The following BTBD9 variants were observed in gnomAD, a reference collection of about 807,000 sequenced individuals.
BTBD9 encodes BTB domain containing 9.
Under a neutral mutation model 64.3 loss-of-function variants are expected in BTBD9, and 49 were observed. The observed-to-expected ratio is 0.76, with a 90% CI of 0.61 to 0.97. The LOEUF is 0.97. BTBD9 is among the 50% of genes least tolerant of loss of function. The probability of loss-of-function intolerance (pLI) is 0.00; values close to 1 mark genes in which losing one functional copy is unlikely to be tolerated. For synonymous variants in BTBD9, 260 were observed against 274.7 expected, an observed-to-expected ratio of 0.95 and a Z score of 0.53; for missense variants, 598 against 762.1, an observed-to-expected ratio of 0.78 and a Z score of 2.53.
chr6:38,603,146 G>C (rs971566986), intron 1 of BTBD9, among the ~76,000 whole-genome samples: 2 of 152,138 alleles, frequency 1.3e-5, no homozygotes, highest in African/African-American at 4.8e-5. Context: ...AGGAAGGCAG[G>C]GGGACGAAGG....
intron 9 of BTBD9, among the ~76,000 whole-genome samples, chr6:38,255,337 T>C (rs552215239): frequency 6.6e-6 from 1 of 152,128 alleles, no homozygotes; most frequent in South Asian, 2.1e-4. Flanking sequence ...TCTGGAATAT[T>C]AGAAAGCAGT....
intron 7 of BTBD9, 95 bp from the exon 8 acceptor site, chr6:38,288,556 A>T: frequency 1.0e-6 from 1 of 954,830 alleles, no homozygotes. Flanking sequence ...TTGCTATCTC[A>T]AATCAATGAT....
intron 1 of BTBD9, among the ~76,000 whole-genome samples, chr6:38,602,038 T>C (rs997418909): frequency 6.6e-6 from 1 of 152,070 alleles, no homozygotes; most frequent in African/African-American, 2.4e-5. Context: ...TACAAAGACA[T>C]AAGTTGTTTG....
chr6:38,254,586 T>C (rs551018875), intron 9 of BTBD9, among the ~76,000 whole-genome samples: 1 of 152,254 alleles, frequency 6.6e-6, no homozygotes, highest in African/African-American at 2.4e-5. Flanking sequence ...ACAGTAAGCC[T>C]TGATTGCACC....
chr6:38,422,980 A>G (rs1767974763), intron 6 of BTBD9, among the ~76,000 whole-genome samples: 1 of 151,998 alleles, frequency 6.6e-6, no homozygotes, highest in Non-Finnish European at 1.5e-5. Context: ...TATTTTTTAA[A>G]TAGATTAGAT....
In BTBD9 at chr6:38,388,527, T is replaced by C. The variant is rs184570374; in HGVS notation, c.1155-43434A>G. 1.1e-3 allele frequency among the ~76,000 whole-genome samples: 160 copies of C among 152,344 alleles called. 1 individual carries two copies. Among genetic ancestry groups the C allele is most frequent in the Admixed American group, 2.4e-3 (36 of 15,306 alleles). ...AAAATGCTTTGGAATAGGGAGCTAT[T>C]TGTGTATTTTCTGCACATGGTATAT... On this transcript the variant is annotated intron_variant, in intron 6 of 10. Transcript: ENST00000481247.
chr6:38,275,392 A>C (rs566022986), intron 8 of BTBD9, among the ~76,000 whole-genome samples: 1 of 152,300 alleles, frequency 6.6e-6, no homozygotes, highest in South Asian at 2.1e-4. Context: ...AACCATAAAA[A>C]GCCTAGAAGA....
intron 6 of BTBD9, among the ~76,000 whole-genome samples, chr6:38,555,539 T>C (rs1774976725): frequency 6.6e-6 from 1 of 152,210 alleles, no homozygotes; most frequent in Admixed American, 6.5e-5. Flanking sequence ...ACCAAAATAG[T>C]AGTAGTAGCA....
At chr6:38,336,987 C>A (rs909636352) in intron 7 of BTBD9, among the ~76,000 whole-genome samples, 15 of 152,186 alleles carry the variant, frequency 9.9e-5, no homozygotes, top group African/African-American at 3.6e-4. Flanking sequence ...GCTTTACTGA[C>A]AAGCAGAACC....
chr6:38,579,009 A>C (rs1013694374), intron 5 of BTBD9, among the ~76,000 whole-genome samples: 1 of 152,236 alleles, frequency 6.6e-6, no homozygotes, highest in East Asian at 1.9e-4. Context: ...CTGCATATAC[A>C]TATTATTATT....
chr6:38,224,387 C>G lies in BTBD9; in HGVS notation c.1563-31790G>C, dbSNP rs536598645. On this transcript the variant is annotated intron_variant, in intron 9 of 10. Coordinates refer to ENST00000481247, the MANE Select transcript of BTBD9 (RefSeq NM_001099272.2). ...TCCTAATCTCAGATATGGCCATGAG[C>G]GTATTTCTGGATGAGGGCCATCTCA... Among the ~76,000 whole-genome samples the G allele has an allele frequency of 2.0e-5, 3 of 152,270 alleles. No homozygotes were observed. The South Asian group carries it at 6.2e-4, about 32-fold the overall frequency.
At chr6:38,234,964 T>G (rs1763728687) in intron 9 of BTBD9, among the ~76,000 whole-genome samples, 1 of 152,256 alleles carries the variant, frequency 6.6e-6, no homozygotes, top group Non-Finnish European at 1.5e-5. Context: ...ACACAGATTT[T>G]CACTTTCATA....
intron 6 of BTBD9, among the ~76,000 whole-genome samples, chr6:38,473,268 A>G: frequency 6.6e-6 from 1 of 152,264 alleles, no homozygotes; most frequent in East Asian, 1.9e-4. Flanking sequence ...CTCAATAAAA[A>G]GAAGTGAGTT....
In BTBD9 at chr6:38,580,238, G is replaced by A; in HGVS notation, c.1014C>T (p.Leu338=). ...CTTACCGGCTATCTCGGTCCCACAA[G>A]AGTATCCGTATGTGATTGATAATGG... ...QPSIINHIRI[L]LWDRDSRSYS... is the part of the protein sequence containing the mutation. Residue 338 remains leucine (L), a synonymous_variant, in exon 5 of 11, where the codon CTC becomes CTT. Coordinates refer to ENST00000481247, the MANE Select transcript of BTBD9 (RefSeq NM_001099272.2). 1.9e-6 allele frequency: 3 copies of A among 1,614,140 alleles called. No individual in the cohort carries two copies. Among genetic ancestry groups the A allele is most frequent in the Non-Finnish European group, 2.5e-6 (3 of 1,179,972 alleles).
intron 6 of BTBD9, among the ~76,000 whole-genome samples, chr6:38,507,181 C>G (rs1293264435): frequency 2.6e-5 from 4 of 152,228 alleles, no homozygotes; most frequent in Admixed American, 2.6e-4. Flanking sequence ...CCACAGCTTG[C>G]TGCTTACTTC....
intron 2 of BTBD9, among the ~76,000 whole-genome samples, chr6:38,596,348 G>A (rs546274581): frequency 7.1e-4 from 108 of 152,176 alleles, no homozygotes; most frequent in African/African-American, 2.5e-3. Flanking sequence ...CACTCAATAC[G>A]ATCTTCAAAT....
chr6:38,404,598 G>T (rs893519679), intron 6 of BTBD9, among the ~76,000 whole-genome samples: 2 of 152,178 alleles, frequency 1.3e-5, no homozygotes, highest in Admixed American at 1.3e-4. Flanking sequence ...CCCTGAGCCT[G>T]CCTGGCATGC....
rs1761726769 is a variant in BTBD9 at position 38,184,418 on chromosome 6, T to C, written c.1641+8101A>G. Among the ~76,000 whole-genome samples, 1 of 152,220 alleles carries C rather than the reference T, an allele frequency of 6.6e-6. No individual in the cohort carries two copies. Among genetic ancestry groups the C allele is most frequent in the Non-Finnish European group, 1.5e-5 (1 of 68,030 alleles). The stretch of plus-strand genomic sequence containing the variant: ...GCAGGTTTTCTTTGTGGGCATCCAT[T>C]TCCAGTTGCTGGAACATGAAGCCCC... On this transcript the variant is annotated intron_variant, in intron 10 of 10. Transcript: ENST00000481247. The surrounding 1 kb of genome is among the most constrained non-coding windows in gnomAD (Gnocchi z 4.4).
chr6:38,371,053 C>G (rs1223314105), intron 6 of BTBD9, among the ~76,000 whole-genome samples: 2 of 152,128 alleles, frequency 1.3e-5, no homozygotes, highest in African/African-American at 4.8e-5. Context: ...CATTTTGTCT[C>G]TGCAACAGAA....
Sources: allele counts gnomAD v4.1 joint callset (sites outside exome capture counted in the v4.1 genomes callset), GRCh38; gene constraint gnomAD v4.1.1; non-coding constraint Gnocchi (gnomAD v3.1); transcripts MANE v1.5; gene names NCBI Gene and HGNC (gene_info 2026-07-23, HGNC 2026-07-21).